Variants in RUNX1 observed in about 807,000 individuals in gnomAD.
RUNX1 encodes RUNX family transcription factor 1, also known as runt-related transcription factor 1.
RUNX1 carries 19 observed loss-of-function variants against 42.8 expected under a neutral mutation model. The ratio of observed to expected loss-of-function variants is 0.44; its 90% CI spans 0.31 to 0.65. The LOEUF (loss-of-function observed/expected upper bound fraction) is 0.65. Among genes scored for constraint, RUNX1 ranks in the 30% least tolerant of loss-of-function variants. The pLI, the probability that RUNX1 is intolerant of heterozygous loss-of-function variation, is 0.07. For missense variants in RUNX1, 528 were observed against 672.0 expected, an observed-to-expected ratio of 0.79 and a Z score of 2.37; for synonymous variants, 271 against 289.4, an observed-to-expected ratio of 0.94 and a Z score of 0.64.
At chr21:35,023,724 G>T (rs554544538) in intron 2 of RUNX1, among the ~76,000 whole-genome samples, 1 of 152,130 alleles carries the variant, frequency 6.6e-6, no homozygotes, top group African/African-American at 2.4e-5. Context: ...GAAATGAAAG[G>T]GGGGCACAGG....
intron 2 of RUNX1, among the ~76,000 whole-genome samples, chr21:34,980,629 G>A (rs1335551204): frequency 6.6e-6 from 1 of 152,114 alleles, no homozygotes; most frequent in African/African-American, 2.4e-5. Flanking sequence ...TATCCCGAGG[G>A]AAACAGTTTT....
intron 2 of RUNX1, among the ~76,000 whole-genome samples, chr21:35,012,100 T>C (rs2059130337): frequency 6.6e-6 from 1 of 152,246 alleles, no homozygotes; most frequent in Non-Finnish European, 1.5e-5. Flanking sequence ...AAAGTAAATA[T>C]GATCGTTAGC....
At chr21:34,997,685 G>A (rs1257081810) in intron 2 of RUNX1, among the ~76,000 whole-genome samples, 1 of 152,230 alleles carries the variant, frequency 6.6e-6, no homozygotes, top group African/African-American at 2.4e-5. Flanking sequence ...AGCTCTTTCT[G>A]TGTGGAGATG....
intron 7 of RUNX1, chr21:34,830,057 G>A (rs1490313690): frequency 6.6e-6 from 1 of 152,116 alleles, no homozygotes; most frequent in Admixed American, 6.5e-5. Context: ...TTAATTTTGG[G>A]GGAAAATAAT....
At chr21:34,808,342 C>T (rs749999503) in intron 7 of RUNX1, among the ~76,000 whole-genome samples, 12 of 152,148 alleles carry the variant, frequency 7.9e-5, no homozygotes, top group Non-Finnish European at 1.3e-4. Context: ...TCCTCACTGC[C>T]GACCTGCCAG....
intron 2 of RUNX1, among the ~76,000 whole-genome samples, chr21:34,928,961 T>TG (rs57397826): frequency 0.14 from 18,831 of 136,748 alleles, 1,411 homozygotes; most frequent in Admixed American, 0.23. Context: ...AGATTTTTTT[T>TG]GGGGGGGGGG....
At chr21:34,865,016 T>C (rs1313918362) in intron 5 of RUNX1, among the ~76,000 whole-genome samples, 1 of 152,116 alleles carries the variant, frequency 6.6e-6, no homozygotes, top group Admixed American at 6.5e-5. Context: ...GGCAAGTTAC[T>C]TGACCTCTCT....
intron 2 of RUNX1, among the ~76,000 whole-genome samples, chr21:34,899,824 T>C (rs2058163371): frequency 6.6e-6 from 1 of 152,202 alleles, no homozygotes; most frequent in African/African-American, 2.4e-5. Flanking sequence ...CAAATTTCCT[T>C]ATTAGATCCT....
intron 5 of RUNX1, among the ~76,000 whole-genome samples, chr21:34,877,531 A>T (rs998470191): frequency 3.9e-4 from 60 of 152,196 alleles, no homozygotes; most frequent in Non-Finnish European, 1.0e-4. Context: ...TCAAAGAGAG[A>T]AACATTCCAA....
intron 2 of RUNX1, among the ~76,000 whole-genome samples, chr21:34,957,214 G>T (rs1197143914): frequency 2.0e-5 from 3 of 152,166 alleles, no homozygotes; most frequent in African/African-American, 7.2e-5. Context: ...TTTGCCAACT[G>T]CTTTGAAGAT....
chr21:34,928,339 A>C (rs893490722), intron 2 of RUNX1, among the ~76,000 whole-genome samples: 3 of 152,182 alleles, frequency 2.0e-5, no homozygotes, highest in Non-Finnish European at 4.4e-5. Flanking sequence ...ACTACCAAAA[A>C]GAATTTGAAG....
At chr21:35,005,263 A>T (rs2834723) in intron 2 of RUNX1, among the ~76,000 whole-genome samples, 10 of 152,030 alleles carry the variant, frequency 6.6e-5, no homozygotes, top group African/African-American at 2.4e-4. Context: ...TACTCAGTAA[A>T]GACCCCCACT....
chr21:34,935,418 C>G (rs1025967286), intron 2 of RUNX1, among the ~76,000 whole-genome samples: 1 of 151,996 alleles, frequency 6.6e-6, no homozygotes, highest in Non-Finnish European at 1.5e-5. Flanking sequence ...CAAACACATA[C>G]GGTATATGGA....
chr21:35,044,137 G>A (rs2059380162), intron 2 of RUNX1, among the ~76,000 whole-genome samples: 1 of 152,182 alleles, frequency 6.6e-6, no homozygotes, highest in African/African-American at 2.4e-5. Flanking sequence ...TGACCTGCTG[G>A]TGAAAAGCCC....
At chr21:35,012,191 G>A (rs1234889561) in intron 2 of RUNX1, among the ~76,000 whole-genome samples, 4 of 152,130 alleles carry the variant, frequency 2.6e-5, no homozygotes, top group Admixed American at 2.6e-4. Context: ...TATTATTTGT[G>A]TATGTGTCTG....
intron 2 of RUNX1, among the ~76,000 whole-genome samples, chr21:34,980,856 C>T (rs1279299534): frequency 6.6e-6 from 1 of 152,202 alleles, no homozygotes; most frequent in East Asian, 1.9e-4. Flanking sequence ...GACACAGAAC[C>T]TGGAATCATC....
intron 2 of RUNX1, 30 bp downstream of exon 2, chr21:35,048,812 G>A (rs768676032): frequency 1.9e-6 from 3 of 1,592,088 alleles, no homozygotes; most frequent in South Asian, 2.2e-5. Context: ...CTGAGCAAAA[G>A]TAGATATTAC....
At chr21:34,959,038 TG>T (rs1290065529) in intron 2 of RUNX1, among the ~76,000 whole-genome samples, 2 of 139,526 alleles carry the variant, frequency 1.4e-5, no homozygotes, top group African/African-American at 5.3e-5. Flanking sequence ...CATCACACTC[TG>T]GGGACTGTTG....
intron 2 of RUNX1, among the ~76,000 whole-genome samples, chr21:34,903,457 T>C (rs987710801): frequency 1.1e-4 from 16 of 152,272 alleles, no homozygotes; most frequent in African/African-American, 3.8e-4. Flanking sequence ...ATATAGACTA[T>C]AGAGAAATTT....
Sources: allele counts gnomAD v4.1 joint callset (sites outside exome capture counted in the v4.1 genomes callset), GRCh38; gene constraint gnomAD v4.1.1; transcripts MANE v1.5; gene names NCBI Gene and HGNC (gene_info 2026-07-23, HGNC 2026-07-21).